Variants in AQP7 observed in about 807,000 individuals in gnomAD.
AQP7 encodes aquaporin-7.
A neutral mutation model predicts 26.1 loss-of-function variants in AQP7; 22 were observed. The observed-to-expected ratio is 0.84, with a 90% CI of 0.60 to 1.20. AQP7 has a LOEUF of 1.20. Ranked by LOEUF, AQP7 falls within the 50% of genes most tolerant of loss-of-function variation. The pLI is 0.00. For synonymous variants in AQP7, 167 were observed against 181.7 expected, an observed-to-expected ratio of 0.92 and a Z score of 0.65; for missense variants, 412 against 457.5, an observed-to-expected ratio of 0.90 and a Z score of 0.91.
Position 33,399,473 on chromosome 9 carries a change from C to T in AQP7, c.26+1764G>A, listed in dbSNP as rs186929213. On this transcript the variant is annotated intron_variant, in intron 2 of 7. Transcript: ENST00000297988. ...ATTAGCTGGGCATGGTGGCAGGCAC[C>T]TGTAATACCAGCTGGGGGGGGAGGG... Among the ~76,000 whole-genome samples the T allele has an allele frequency of 7.1e-3, 1,075 of 151,782 alleles. 5 individuals carry two copies. The highest frequency in any genetic ancestry group is 0.012 in the Non-Finnish European group (787 of 67,950).
rs1564165995 is a variant in AQP7, at chr9:33,385,223, T to C, written c.811A>G (p.Ile271Val). 2.5e-6 allele frequency: 4 copies of C among 1,611,856 alleles called. No individual in the cohort carries two copies. The highest frequency in any genetic ancestry group is 3.4e-6 in the Non-Finnish European group (4 of 1,179,816). The change falls in exon 8 of 8, where the codon ATC becomes GTC. Residue 271 changes from isoleucine to valine, a missense_variant. Coordinates refer to ENST00000297988, the MANE Select transcript of AQP7 (RefSeq NM_001170.3). The part of the protein sequence containing the change: ...PLLGAYLGGI[I>V]YLVFIGSTIP... ...GTGGAGCCAATGAAGACCAGGTAGA[T>C]GATGCCACCTAGATAGGCACCCAGA...
rs118161984 is a variant in AQP7, at chr9:33,393,017, C to T, written c.144+2061G>A. 4.2e-3 allele frequency among the ~76,000 whole-genome samples: 632 copies of T among 152,268 alleles called. 8 individuals are homozygous for T. The highest frequency in any genetic ancestry group is 6.2e-3 in the Non-Finnish European group (423 of 68,006). On this transcript the variant is annotated intron_variant, in intron 3 of 7. Coordinates refer to ENST00000297988, the MANE Select transcript of AQP7 (RefSeq NM_001170.3). ...CTGAGGCAGGCAGATCACCTGAATT[C>T]GGGAGTTCGAAACCAGCCTGGCCAA...
At chr9:33,389,778 T>C (rs1057191080) in intron 3 of AQP7, among the ~76,000 whole-genome samples, 30 of 152,092 alleles carry the variant, frequency 2.0e-4, no homozygotes, top group African/African-American at 7.0e-4. Context: ...GGCTCATGCC[T>C]GTAATCCCAG....
rs780920988 is a variant in AQP7, at chr9:33,395,245, T to C, written c.27-50A>G. 8 of 1,508,560 alleles carry C rather than the reference T, an allele frequency of 5.3e-6. No homozygotes were observed. The East Asian group carries it at 1.8e-4, about 34-fold the overall frequency. 93.4% of individuals were successfully genotyped at this position (1,508,560 alleles called of 1,614,324 possible). ...GACAGAAAGGAGACTCAAGTCTGCC[T>C]GCTGCCCATCGGCTCTTCAACTCCC... On this transcript the variant is annotated intron_variant, in intron 2 of 7. Coordinates refer to ENST00000297988, the MANE Select transcript of AQP7 (RefSeq NM_001170.3).
Position 33,401,270 on chromosome 9 carries a change from C to G in AQP7, c.-8G>C, listed in dbSNP as rs1178303217. The G allele has an allele frequency of 6.5e-7, 1 of 1,549,292 alleles. No homozygotes were observed. Among genetic ancestry groups the G allele is most frequent in the East Asian group, 2.4e-5 (1 of 40,922 alleles). On this transcript the variant is annotated 5_prime_UTR_variant, in exon 2 of 8. Coordinates refer to ENST00000297988, the MANE Select transcript of AQP7 (RefSeq NM_001170.3). ...CCCGGATGCTTGAACCATGTTTTGT[C>G]TTTCAGATTTGTAGATGCTGAGGAG...
rs766018958 is a variant in AQP7, at chr9:33,385,694, G to C, written c.698C>G (p.Pro233Arg). 1.9e-6 allele frequency: 3 copies of C among 1,613,948 alleles called. No individual in the cohort carries two copies. The highest frequency in any genetic ancestry group is 2.5e-6 in the Non-Finnish European group (3 of 1,180,038). Residue 233 changes from proline (P) to arginine (R), a missense_variant, in exon 7 of 8, where the codon CCC (proline) becomes CGC (arginine). Transcript: ENST00000297988. ...YAINPSRDLP[P>R]RIFTFIAGWG... Reference sequence around the variant, plus strand: ...ACCAGCAATGAAGGTGAAGATGCGGGGGGGCAGGTCCCGGGACGGGTTGAT... The same window carrying C: ...ACCAGCAATGAAGGTGAAGATGCGGCGGGGCAGGTCCCGGGACGGGTTGAT...
intron 3 of AQP7, among the ~76,000 whole-genome samples, chr9:33,392,299 C>CAAA (rs36017412): frequency 8.4e-6 from 1 of 118,734 alleles, no homozygotes; most frequent in African/African-American, 3.1e-5. Flanking sequence ...GACTGTATCT[C>CAAA]AAAAAAAAAA....
chr9:33,392,902 T>C (rs1318539791), intron 3 of AQP7, among the ~76,000 whole-genome samples: 1 of 152,152 alleles, frequency 6.6e-6, no homozygotes. Context: ...TCCTCCAGTT[T>C]GATGTTAGTG....
chr9:33,401,310 C>G, intron 1 of AQP7, 23 bp from the exon 2 acceptor site: 1 of 1,542,800 alleles, frequency 6.5e-7, no homozygotes, highest in Non-Finnish European at 8.8e-7. Context: ...AGAGAGGTCA[C>G]TAGGGCTGGA....
At chr9:33,401,059 A>C (rs919172286) in intron 2 of AQP7, 178 bp downstream of exon 2, 48 of 681,460 alleles carry the variant, frequency 7.0e-5, no homozygotes, top group Non-Finnish European at 1.1e-4. Flanking sequence ...CAGCCCAGGC[A>C]ACAGGTGGAA....
At chr9:33,388,341 G>A (rs1253523851) in intron 3 of AQP7, among the ~76,000 whole-genome samples, 3 of 152,088 alleles carry the variant, frequency 2.0e-5, no homozygotes, top group South Asian at 2.1e-4. Context: ...CATCCAATCA[G>A]CTCTGCTTAC....
Position 33,386,380 on chromosome 9 carries a change from C to T in AQP7, c.406+24G>A, listed in dbSNP as rs74462413. Reference sequence around the variant, plus strand: ...CATAGGAGGCGGCTGAGGCCAGAGGCGGACACCCGGGCAGGATACTCACTG... The same window carrying T: ...CATAGGAGGCGGCTGAGGCCAGAGGTGGACACCCGGGCAGGATACTCACTG... On this transcript the variant is annotated intron_variant, in intron 5 of 7. Coordinates refer to ENST00000297988, the MANE Select transcript of AQP7 (RefSeq NM_001170.3). 710 of 1,609,704 alleles carry T rather than the reference C, an allele frequency of 4.4e-4. 2 individuals carry two copies. In the Middle Eastern group the frequency reaches 4.9e-3, roughly 11 times the overall value.
intron 2 of AQP7, chr9:33,395,407 G>A: frequency 5.2e-6 from 3 of 576,788 alleles, no homozygotes; most frequent in Non-Finnish European, 9.3e-6. Flanking sequence ...GCCAGGCCAT[G>A]CCCCTTCTAG....
At chr9:33,388,809 C>T (rs1275302216) in intron 3 of AQP7, among the ~76,000 whole-genome samples, 1 of 152,200 alleles carries the variant, frequency 6.6e-6, no homozygotes, top group Admixed American at 6.5e-5. Context: ...TCAAACCAAA[C>T]AACTGTGCTG....
intron 4 of AQP7, 27 bp downstream of exon 4, chr9:33,386,942 G>A (rs79260234): frequency 1.1e-5 from 18 of 1,610,706 alleles, no homozygotes; most frequent in Non-Finnish European, 1.4e-5. Flanking sequence ...GGTCTTGCCC[G>A]GTCCGGCAGG....
rs1206175576 is a variant in AQP7 at position 33,384,812 on chromosome 9, G to A, written c.*193C>T. 3 of 630,498 alleles carry A rather than the reference G, an allele frequency of 4.8e-6. No individual in the cohort carries two copies. Among genetic ancestry groups the A allele is most frequent in the African/African-American group, 1.8e-5 (1 of 54,800 alleles). The allele number at this position is 630,498 out of a possible 1,614,324, so 39.1% of individuals were successfully genotyped here. A position where few individuals can be genotyped will look rare whatever the true frequency, so the allele number is the denominator to read the frequency against. On this transcript the variant is annotated 3_prime_UTR_variant, in exon 8 of 8. Coordinates refer to ENST00000297988, the MANE Select transcript of AQP7 (RefSeq NM_001170.3). ...ATCTCTTCCCCATTCTCCCCCTGGG[G>A]CACCCCAGTTCCCAGGGCATGAAAG...
chr9:33,398,449 T>C (rs1208859197), intron 2 of AQP7, among the ~76,000 whole-genome samples: 2 of 152,114 alleles, frequency 1.3e-5, no homozygotes, highest in Non-Finnish European at 2.9e-5. Context: ...GAGCATCAGC[T>C]TCTCCACAGA....
chr9:33,400,864 C>A, intron 2 of AQP7: 1 of 252,358 alleles, frequency 4.0e-6, no homozygotes, highest in Non-Finnish European at 7.7e-6. Context: ...GAGCAGGGGG[C>A]TGGAGTGGGG....
At chr9:33,395,820 T>G (rs1825806712) in intron 2 of AQP7, among the ~76,000 whole-genome samples, 1 of 152,128 alleles carries the variant, frequency 6.6e-6, no homozygotes, top group African/African-American at 2.4e-5. Context: ...AGTGAATGAA[T>G]GAATGACCAA....
Sources: gnomAD v4.1 joint callset for allele counts (sites outside exome capture counted in the v4.1 genomes callset) on GRCh38, gnomAD v4.1.1 for gene constraint, MANE v1.5 for transcripts, NCBI Gene and HGNC (gene_info 2026-07-23, HGNC 2026-07-21) for gene names.